Variants in ERCC6L2 observed in about 807,000 individuals in gnomAD.
ERCC6L2 encodes DNA excision repair protein ERCC-6-like 2.
ERCC6L2 carries 77 observed loss-of-function variants against 132.0 expected under a neutral mutation model. The ratio of observed to expected loss-of-function variants is 0.58; its 90% confidence interval spans 0.49 to 0.71. The LOEUF (loss-of-function observed/expected upper bound fraction) is 0.71, where lower values mean the gene tolerates loss of function less well. ERCC6L2 is among the 30% of genes least tolerant of loss of function. ERCC6L2 has a pLI of 0.00. For synonymous variants in ERCC6L2, 583 were observed against 632.4 expected (o/e 0.92, Z 1.17); for missense variants, 1,542 against 1,837.6 (o/e 0.84, Z 2.94).
In ERCC6L2 at chr9:96,016,039, C is replaced by G. The variant is rs1198923328; in HGVS notation, c.*2836C>G. Among the ~76,000 whole-genome samples the G allele has an allele frequency of 6.6e-6, 1 of 152,114 alleles. No individual in the cohort carries two copies. The highest frequency in any genetic ancestry group is 2.4e-5 in the African/African-American group (1 of 41,420). On this transcript the variant is annotated 3_prime_UTR_variant, in exon 19 of 19. Transcript: ENST00000653738. ...AAAGATTTGGTACAACCATTGATGA[C>G]CTGAGAACAGACACTAGGAAGGTTT...
intron 17 of ERCC6L2, among the ~76,000 whole-genome samples, chr9:95,998,882 C>G (rs1330023351): frequency 6.6e-6 from 1 of 152,182 alleles, no homozygotes; most frequent in African/African-American, 2.4e-5. Context: ...TACATGTAAC[C>G]TTTAGAGCTT....
chr9:95,983,824 G>A (rs149362538), intron 17 of ERCC6L2, among the ~76,000 whole-genome samples: 89 of 152,300 alleles, frequency 5.8e-4, no homozygotes, highest in African/African-American at 1.8e-3. Context: ...AAGAGGATAA[G>A]TAACTCCCTA....
At chr9:95,887,123 A>G (rs1827914772) in intron 2 of ERCC6L2, among the ~76,000 whole-genome samples, 1 of 152,028 alleles carries the variant, frequency 6.6e-6, no homozygotes, top group Non-Finnish European at 1.5e-5. Flanking sequence ...ACCCTAATAC[A>G]CCTGCCTTAC....
At chr9:96,039,274 C>T (rs182206772) in intron 20 of ERCC6L2, among the ~76,000 whole-genome samples, 1 of 152,264 alleles carries the variant, frequency 6.6e-6, no homozygotes, top group Non-Finnish European at 1.5e-5. Context: ...GGCAGGCGAG[C>T]CCCAGCCAGA....
At position 95,897,901 on chromosome 9, in the gene ERCC6L2, T is replaced by C. The variant is rs1049704790; in HGVS notation, c.524T>C (p.Ile175Thr). The C allele has an allele frequency of 5.0e-6, 8 of 1,612,384 alleles. No individual in the cohort carries two copies. The highest frequency in any genetic ancestry group is 3.4e-5 in the Admixed American group (2 of 59,666). Reference protein sequence around the residue: ...VLHKKGTREDIENNMPEFLLR... With the variant: ...VLHKKGTREDTENNMPEFLLR... Reference sequence around the variant, plus strand: ...CATAAAAAGGGAACTCGTGAGGATATTGAAAATAACATGCCAGAGTTTTTA... The same window carrying C: ...CATAAAAAGGGAACTCGTGAGGATACTGAAAATAACATGCCAGAGTTTTTA... Residue 175 changes from isoleucine (I) to threonine (T), a missense_variant, in exon 3 of 19, where the codon ATT (isoleucine) becomes ACT (threonine). Ile to Thr is a moderately conservative substitution (Grantham distance 89). Around this residue, in one of 4 missense-constraint regions of ERCC6L2, gnomAD observed 945 missense variants for 1,105.2 expected, o/e 0.86. Transcript: ENST00000653738.
chr9:95,996,128 T>C (rs947654258), intron 17 of ERCC6L2, among the ~76,000 whole-genome samples: 2 of 152,188 alleles, frequency 1.3e-5, no homozygotes, highest in African/African-American at 4.8e-5. Context: ...TGGAAGGAGA[T>C]TAAAAGTGCT....
chr9:95,998,322 G>A (rs1833541063), intron 17 of ERCC6L2, among the ~76,000 whole-genome samples: 1 of 152,142 alleles, frequency 6.6e-6, no homozygotes, highest in Admixed American at 6.5e-5. Flanking sequence ...CCCCCTCAAA[G>A]ATGTCTGTTA....
chr9:95,979,162 G>C, intron 17 of ERCC6L2, among the ~76,000 whole-genome samples: 1 of 152,272 alleles, frequency 6.6e-6, no homozygotes, highest in Middle Eastern at 3.4e-3. Context: ...GACTTTCCTG[G>C]TAGAAAAACA....
intron 16 of ERCC6L2, among the ~76,000 whole-genome samples, chr9:95,976,701 T>C (rs1832687630): frequency 6.6e-6 from 1 of 152,160 alleles, no homozygotes; most frequent in Non-Finnish European, 1.5e-5. Flanking sequence ...AGTTGCTGTC[T>C]GCTTTTGTGT....
chr9:95,920,590 CTG>C (rs1341039167), intron 6 of ERCC6L2, among the ~76,000 whole-genome samples: 1 of 151,932 alleles, frequency 6.6e-6, no homozygotes, highest in African/African-American at 2.4e-5. Context: ...CAAGAGTCAA[CTG>C]TGTAAGGAAC....
At chr9:95,924,952 T>C (rs899388805) in intron 9 of ERCC6L2, among the ~76,000 whole-genome samples, 2 of 152,194 alleles carry the variant, frequency 1.3e-5, no homozygotes, top group Admixed American at 6.5e-5. Context: ...ATCATTTGAC[T>C]AACAGCATCA....
intron 6 of ERCC6L2, among the ~76,000 whole-genome samples, chr9:95,917,165 T>G (rs1280202908): frequency 6.6e-6 from 1 of 152,230 alleles, no homozygotes; most frequent in Non-Finnish European, 1.5e-5. Flanking sequence ...AAAAAATATA[T>G]AGGTTTGTTT....
chr9:95,945,977 T>C (rs1191991570), intron 12 of ERCC6L2, among the ~76,000 whole-genome samples: 1 of 151,248 alleles, frequency 6.6e-6, no homozygotes, highest in African/African-American at 2.4e-5. Context: ...TATATGTAAA[T>C]AAAAAAGACA....
intron 2 of ERCC6L2, among the ~76,000 whole-genome samples, chr9:95,886,297 A>G (rs1192105372): frequency 6.6e-6 from 1 of 152,120 alleles, no homozygotes; most frequent in Non-Finnish European, 1.5e-5. Context: ...GATTACAGGC[A>G]GGAACTACTG....
intron 12 of ERCC6L2, among the ~76,000 whole-genome samples, chr9:95,949,374 T>G (rs1405135379): frequency 6.8e-6 from 1 of 147,706 alleles, no homozygotes; most frequent in East Asian, 2.0e-4. Flanking sequence ...CCAGATAGTA[T>G]AAACCCAGTG....
intron 6 of ERCC6L2, chr9:95,918,470 G>A: frequency 2.0e-6 from 1 of 491,530 alleles, no homozygotes; most frequent in Admixed American, 2.1e-5. Context: ...CTGCAGGTCT[G>A]TTGGCTCATG....
chr9:95,903,163 A>G (rs1308030326), intron 3 of ERCC6L2, among the ~76,000 whole-genome samples: 2 of 151,982 alleles, frequency 1.3e-5, no homozygotes. Flanking sequence ...CTAGTAATCC[A>G]ATTTTATTTT....
rs112979913 is a variant in ERCC6L2, at chr9:95,898,018, C to T, written c.594+47C>T. On this transcript the variant is annotated intron_variant, in intron 3 of 18. Transcript: ENST00000653738. Reference sequence around the variant, plus strand: ...TATTCTACTCATGATGCTGGTATTACAAAAGCATATAGAAATATTTAAATA... The same window carrying T: ...TATTCTACTCATGATGCTGGTATTATAAAAGCATATAGAAATATTTAAATA... 4.0e-6 allele frequency: 6 copies of T among 1,492,084 alleles called. No individual in the cohort carries two copies. In the African/African-American group the frequency reaches 5.7e-5, roughly 14 times the overall value. The allele number at this position is 1,492,084 out of a possible 1,614,324, so 92.4% of individuals were successfully genotyped here. A position where few individuals can be genotyped will look rare whatever the true frequency, so the allele number is the denominator to read the frequency against.
At chr9:95,976,065 C>T (rs991709701) in intron 16 of ERCC6L2, among the ~76,000 whole-genome samples, 5 of 152,218 alleles carry the variant, frequency 3.3e-5, no homozygotes, top group Non-Finnish European at 7.4e-5. Context: ...GACCCTGCTG[C>T]TTTTCCCTTG....
Sources: gnomAD v4.1 joint callset for allele counts (sites outside exome capture counted in the v4.1 genomes callset) on GRCh38, gnomAD v4.1.1 for gene constraint, gnomAD v4.1.1 regional missense constraint, MANE v1.5 for transcripts, NCBI Gene and HGNC (gene_info 2026-07-23, HGNC 2026-07-21) for gene names.